SLC16A7: variants seen among roughly 807,000 people sequenced by gnomAD.
SLC16A7 encodes the protein monocarboxylate transporter 2.
SLC16A7 carries 33 observed loss-of-function variants against 34.9 expected under a neutral mutation model. The observed-to-expected ratio is 0.94, with a 90% confidence interval of 0.72 to 1.26. The LOEUF is 1.26. SLC16A7 is among the 50% of genes most tolerant of loss of function. SLC16A7 has a pLI of 0.00. For missense variants in SLC16A7, 573 were observed against 578.1 expected (o/e 0.99, Z 0.09); for synonymous variants, 201 against 206.6 (o/e 0.97, Z 0.23).
intron 1 of SLC16A7, among the ~76,000 whole-genome samples, chr12:59,651,498 T>A (rs1868341688): frequency 6.6e-6 from 1 of 152,172 alleles, no homozygotes; most frequent in Admixed American, 6.6e-5. Flanking sequence ...GTAAATAGTG[T>A]TTACAGTTAT....
At chr12:59,778,692 CT>C (rs34691200) in intron 5 of SLC16A7, among the ~76,000 whole-genome samples, 35,942 of 151,858 alleles carry the variant, frequency 0.24, 4,335 homozygotes, top group East Asian at 0.31. Flanking sequence ...TTAGTTTCAC[CT>C]TAATAATTTA....
chr12:59,652,889 G>C (rs568076430), intron 1 of SLC16A7, among the ~76,000 whole-genome samples: 1 of 151,884 alleles, frequency 6.6e-6, no homozygotes, highest in Admixed American at 6.6e-5. Context: ...AGAAGGTCAG[G>C]TATTCTAACT....
chr12:59,725,712 G>A (rs1795884), intron 3 of SLC16A7, among the ~76,000 whole-genome samples: 68,493 of 151,838 alleles, frequency 0.45, 17,329 homozygotes, highest in African/African-American at 0.69. Context: ...CAATATGTTT[G>A]AGCCTTTCAA....
intron 1 of SLC16A7, among the ~76,000 whole-genome samples, chr12:59,619,775 G>A (rs554871343): frequency 2.0e-5 from 3 of 151,976 alleles, no homozygotes; most frequent in Non-Finnish European, 4.4e-5. Context: ...AGAAGAATGG[G>A]ACATATGTTC....
At chr12:59,627,441 G>A (rs984528647) in intron 1 of SLC16A7, among the ~76,000 whole-genome samples, 1 of 151,698 alleles carries the variant, frequency 6.6e-6, no homozygotes, top group Non-Finnish European at 1.5e-5. Flanking sequence ...CTTGTCTTTT[G>A]ATTTTTATTT....
chr12:59,771,626 T>TCCTTTTTTGCTTTTTTC (rs1270462029), intron 4 of SLC16A7, among the ~76,000 whole-genome samples: 1 of 152,198 alleles, frequency 6.6e-6, no homozygotes, highest in African/African-American at 2.4e-5. Flanking sequence ...TTGCTTTTTT[T>TCCTTTTTTGCTTTTTTC]CCTTTTTTGC....
At chr12:59,746,124 C>G (rs191691770) in intron 3 of SLC16A7, among the ~76,000 whole-genome samples, 1 of 152,206 alleles carries the variant, frequency 6.6e-6, no homozygotes, top group East Asian at 1.9e-4. Context: ...AGTAAAAGGT[C>G]GGATGAACTT....
At chr12:59,697,437 A>G (rs925695683) in intron 2 of SLC16A7, among the ~76,000 whole-genome samples, 2 of 151,984 alleles carry the variant, frequency 1.3e-5, no homozygotes, top group African/African-American at 2.4e-5. Flanking sequence ...GAAAAATGGG[A>G]AGAGTTGAAG....
chr12:59,684,259 G>A (rs1314790760), intron 2 of SLC16A7, among the ~76,000 whole-genome samples: 1 of 152,158 alleles, frequency 6.6e-6, no homozygotes, highest in Non-Finnish European at 1.5e-5. Flanking sequence ...AATAAAGTGT[G>A]AAAATTACTG....
chr12:59,692,926 A>G (rs1319272012), intron 2 of SLC16A7, among the ~76,000 whole-genome samples: 1 of 152,120 alleles, frequency 6.6e-6, no homozygotes, highest in Non-Finnish European at 1.5e-5. Context: ...ATTTGGTTCA[A>G]TTTAATTTCT....
At chr12:59,614,862 G>C (rs1879371835) in intron 1 of SLC16A7, among the ~76,000 whole-genome samples, 1 of 145,684 alleles carries the variant, frequency 6.9e-6, no homozygotes, top group Admixed American at 7.0e-5. Flanking sequence ...AATTAGCCAG[G>C]CGTGGTGGTG....
At chr12:59,664,584 A>C (rs542711704) in intron 2 of SLC16A7, 41 of 152,314 alleles carry the variant, frequency 2.7e-4, no homozygotes, top group African/African-American at 9.9e-4. Context: ...TGCATATTAA[A>C]TCACGCAATG....
intron 1 of SLC16A7, among the ~76,000 whole-genome samples, chr12:59,651,800 C>T (rs1046512741): frequency 3.9e-5 from 6 of 152,120 alleles, no homozygotes; most frequent in East Asian, 1.9e-4. Context: ...CCATTTATAG[C>T]GTTTGCTAGT....
chr12:59,718,961 T>C (rs73111823), intron 3 of SLC16A7, among the ~76,000 whole-genome samples: 1 of 152,254 alleles, frequency 6.6e-6, no homozygotes, highest in Non-Finnish European at 1.5e-5. Context: ...TAGGACCCGA[T>C]TCCCCCACTT....
intron 1 of SLC16A7, among the ~76,000 whole-genome samples, chr12:59,653,137 T>G (rs1868375394): frequency 6.6e-6 from 1 of 151,878 alleles, no homozygotes; most frequent in African/African-American, 2.4e-5. Context: ...AAACTTTTAC[T>G]GCACTATTTT....
At chr12:59,632,078 A>G (rs1880208959) in intron 1 of SLC16A7, among the ~76,000 whole-genome samples, 1 of 151,988 alleles carries the variant, frequency 6.6e-6, no homozygotes, top group Non-Finnish European at 1.5e-5. Flanking sequence ...TGTCAATTAG[A>G]AGACATCTTT....
intron 2 of SLC16A7, among the ~76,000 whole-genome samples, chr12:59,657,511 G>C (rs1868596347): frequency 6.6e-6 from 1 of 151,936 alleles, no homozygotes; most frequent in Non-Finnish European, 1.5e-5. Context: ...TCACAAGTGA[G>C]AAAAACCTAG....
rs1413217335 is a variant in SLC16A7, at chr12:59,649,181, A to G, written c.-129-5971A>G. ...GAGAAAACAATTTGGAGACAAACTA[A>G]TGTCTCAGGAATAAGGAAGTTTGCT... On this transcript the variant is annotated intron_variant, in intron 1 of 5. Transcript: ENST00000547379. Among the ~76,000 whole-genome samples, 6 of 152,286 alleles carry G rather than the reference A, an allele frequency of 3.9e-5. 1 individual carries two copies. Among genetic ancestry groups the G allele is most frequent in the African/African-American group, 1.4e-4 (6 of 41,578 alleles).
At chr12:59,632,800 C>CT (rs1398643231) in intron 1 of SLC16A7, among the ~76,000 whole-genome samples, 5 of 151,876 alleles carry the variant, frequency 3.3e-5, no homozygotes, top group Admixed American at 6.6e-5. Context: ...GCAGTGTGGC[C>CT]TTTTTTGTAT....
Sources: gnomAD v4.1 joint callset for allele counts (sites outside exome capture counted in the v4.1 genomes callset) on GRCh38, gnomAD v4.1.1 for gene constraint, MANE v1.5 for transcripts, NCBI Gene and HGNC (gene_info 2026-07-23, HGNC 2026-07-21) for gene names.